ZNF605: variants seen among roughly 807,000 people sequenced by gnomAD.
ZNF605 encodes the protein zinc finger protein 605.
A neutral mutation model predicts 7.9 loss-of-function variants in ZNF605; 9 were observed. That is an observed-to-expected ratio of 1.14 (90% CI 0.68 to 1.98). The LOEUF (loss-of-function observed/expected upper bound fraction) is 1.98. ZNF605 is among the 30% of genes most tolerant of loss of function. The pLI is 0.00. For synonymous variants in ZNF605, 255 were observed against 260.1 expected, an observed-to-expected ratio of 0.98 and a Z score of 0.19; for missense variants, 673 against 762.4, an observed-to-expected ratio of 0.88 and a Z score of 1.38.
intron 3 of ZNF605, among the ~76,000 whole-genome samples, chr12:132,935,610 C>T (rs924607604): frequency 2.9e-5 from 4 of 139,894 alleles, no homozygotes; most frequent in Admixed American, 1.4e-4. Flanking sequence ...AAAAAAAAAT[C>T]ATCCAGGTGC....
rs1312855709 is a variant in ZNF605 at position 132,924,040 on chromosome 12, A to C, written c.*1333T>G. On this transcript the variant is annotated 3_prime_UTR_variant, in exon 5 of 5. Transcript: ENST00000360187. Reference sequence around the variant, plus strand: ...ATTTTGGCCAGTAAAAATATCTCTTATACCTCAGGTTTCATCAATCTTATG... The same window carrying C: ...ATTTTGGCCAGTAAAAATATCTCTTCTACCTCAGGTTTCATCAATCTTATG... 1 of 152,168 alleles carries C rather than the reference A, an allele frequency of 6.6e-6. No homozygotes were observed. Among genetic ancestry groups the C allele is most frequent in the East Asian group, 1.9e-4 (1 of 5,204 alleles). The allele number at this position is 152,168 out of a possible 1,614,324, so 9.4% of individuals were successfully genotyped here.
Position 132,945,733 on chromosome 12 carries a change from T to A in ZNF605, c.-98A>T. The A allele has an allele frequency of 6.4e-7, 1 of 1,559,068 alleles. No homozygotes were observed. Among genetic ancestry groups the A allele is most frequent in the Admixed American group, 1.7e-5 (1 of 59,920 alleles). On this transcript the variant is annotated 5_prime_UTR_variant, in exon 3 of 5. An upstream start codon of the reference 5' UTR is lost. Coordinates refer to ENST00000360187, the MANE Select transcript of ZNF605 (RefSeq NM_183238.4). The stretch of plus-strand genomic sequence containing the variant: ...CAGTGGTCTGTAAACTGAGAATACA[T>A]CCTTGGTCTTGTGGGCTCTTCTTTC...
chr12:132,951,751 C>T (rs62647015), intron 1 of ZNF605, among the ~76,000 whole-genome samples: 24,936 of 151,838 alleles, frequency 0.16, 2,333 homozygotes, highest in South Asian at 0.25. Context: ...TACACATGTA[C>T]AACACACATC....
chr12:132,930,194 C>T (rs1019338670), intron 4 of ZNF605, among the ~76,000 whole-genome samples: 27 of 152,126 alleles, frequency 1.8e-4, no homozygotes, highest in African/African-American at 5.8e-4. Context: ...GCATACCTGG[C>T]TAATTTTTAA....
chr12:132,938,298 ATTTTTAT>A (rs1468568090), intron 3 of ZNF605, among the ~76,000 whole-genome samples: 2 of 146,358 alleles, frequency 1.4e-5, no homozygotes, highest in Admixed American at 6.8e-5. Flanking sequence ...TTATTTTTTT[ATTTTTAT>A]TTTTTATTTT....
At position 132,920,230 on chromosome 12, in the gene ZNF605, C is replaced by CT. The variant is rs1952191460; in HGVS notation, c.*5142_*5143insA. 1 of 151,954 alleles carries CT rather than the reference C, an allele frequency of 6.6e-6. No homozygotes were observed. The highest frequency in any genetic ancestry group is 2.1e-4 in the South Asian group (1 of 4,814). The allele number at this position is 151,954 out of a possible 1,614,324, so 9.4% of individuals were successfully genotyped here. A position where few individuals can be genotyped will look rare whatever the true frequency, so the allele number is the denominator to read the frequency against. On this transcript the variant is annotated 3_prime_UTR_variant, in exon 5 of 5. Coordinates refer to ENST00000360187, the MANE Select transcript of ZNF605 (RefSeq NM_183238.4). Reference sequence around the variant, plus strand: ...TCTTGGCTCACTGCAAGCTCCACCTCCCAGGTTCACGCCATTCTCCTGCCT... The same window carrying CT: ...TCTTGGCTCACTGCAAGCTCCACCTCTCCAGGTTCACGCCATTCTCCTGCCT...
At chr12:132,955,242 C>G (rs1014372632) in intron 1 of ZNF605, among the ~76,000 whole-genome samples, 5 of 152,116 alleles carry the variant, frequency 3.3e-5, no homozygotes, top group Admixed American at 6.6e-5. Context: ...ACAAGGTTAG[C>G]AAAGACCAGG....
chr12:132,926,333 C>A lies in ZNF605; in HGVS notation c.966G>T (p.Ser322=). Residue 322 remains serine, a synonymous_variant, in exon 5 of 5, where the codon TCG becomes TCT. Coordinates refer to ENST00000360187, the MANE Select transcript of ZNF605 (RefSeq NM_183238.4). ...SHCGKAFFWK[S]QLITHQRTHT... is the part of the protein sequence containing the mutation. ...GGGTCCTCTGATGAGTAATCAGCTG[C>A]GACTTCCAAAAGAAGGCTTTTCCAC... 1 of 1,614,034 alleles carries A rather than the reference C, an allele frequency of 6.2e-7. No individual in the cohort carries two copies. The highest frequency in any genetic ancestry group is 8.5e-7 in the Non-Finnish European group (1 of 1,179,976).
At chr12:132,937,837 C>T (rs1478027369) in intron 3 of ZNF605, among the ~76,000 whole-genome samples, 4 of 152,080 alleles carry the variant, frequency 2.6e-5, no homozygotes, top group Non-Finnish European at 2.9e-5. Flanking sequence ...AGACTGTGGC[C>T]CATCCATACA....
intron 4 of ZNF605, among the ~76,000 whole-genome samples, chr12:132,929,571 T>C (rs770985): frequency 0.44 from 67,399 of 151,964 alleles, 15,654 homozygotes; most frequent in Middle Eastern, 0.55. Context: ...TTGAAGAGTT[T>C]ACAGAAAATT....
Position 132,954,486 on chromosome 12 carries a change from T to G in ZNF605, c.-286+1757A>C, listed in dbSNP as rs993968106. Among the ~76,000 whole-genome samples, 76 of 30,946 alleles carry G rather than the reference T, an allele frequency of 2.5e-3. No homozygotes were observed. The East Asian group carries it at 0.034, about 14-fold the overall frequency. 20.3% of individuals were successfully genotyped at this position (30,946 alleles called of 152,430 possible). ...GGGAGGGGAGGAGAAGGGGCTTCTGTCCTGGGACGAACACACTGGTCTCCA... is the reference window on the plus strand; with the variant it reads ...GGGAGGGGAGGAGAAGGGGCTTCTGGCCTGGGACGAACACACTGGTCTCCA... On this transcript the variant is annotated intron_variant, in intron 1 of 4. Coordinates refer to ENST00000360187, the MANE Select transcript of ZNF605 (RefSeq NM_183238.4).
At chr12:132,951,625 G>T (rs1952568704) in intron 1 of ZNF605, among the ~76,000 whole-genome samples, 1 of 125,994 alleles carries the variant, frequency 7.9e-6, no homozygotes, top group African/African-American at 3.7e-5. Context: ...TCGTATCACA[G>T]ACACGTACAG....
Position 132,933,620 on chromosome 12 carries a change from C to CA in ZNF605, c.16-466dup, listed in dbSNP as rs1186691086. ...AACTGGGCAAGTACCTGGCAGATTC[C>CA]AAAACCCAGAAACAGATCAATGTTT... On this transcript the variant is annotated intron_variant, in intron 3 of 4. Coordinates refer to ENST00000360187, the MANE Select transcript of ZNF605 (RefSeq NM_183238.4). This position sits in a 1 kb window ranked among gnomAD's most constrained non-coding sequence, Gnocchi z 4.4. Among the ~76,000 whole-genome samples, 1 of 152,170 alleles carries CA rather than the reference C, an allele frequency of 6.6e-6. No homozygotes were observed. The highest frequency in any genetic ancestry group is 1.5e-5 in the Non-Finnish European group (1 of 68,030).
intron 3 of ZNF605, among the ~76,000 whole-genome samples, chr12:132,942,033 G>T (rs1340771172): frequency 6.6e-6 from 1 of 152,148 alleles, no homozygotes; most frequent in African/African-American, 2.4e-5. Context: ...TCTTAAACAT[G>T]ATTTATCTTT....
At chr12:132,939,714 G>C (rs113710129) in intron 3 of ZNF605, among the ~76,000 whole-genome samples, 5 of 152,262 alleles carry the variant, frequency 3.3e-5, no homozygotes, top group Admixed American at 6.5e-5. Context: ...CAACCCGCTC[G>C]GGTCCTCTTC....
intron 1 of ZNF605, among the ~76,000 whole-genome samples, chr12:132,949,477 A>T (rs988807463): frequency 2.0e-5 from 3 of 151,756 alleles, no homozygotes; most frequent in Non-Finnish European, 2.9e-5. Context: ...CCTGGCCCTC[A>T]CTCTTTATGC....
intron 4 of ZNF605, among the ~76,000 whole-genome samples, chr12:132,932,216 C>CA (rs1952315286): frequency 1.3e-5 from 2 of 152,124 alleles, no homozygotes; most frequent in African/African-American, 4.8e-5. Context: ...CCAACCTCCA[C>CA]AGCATGAGGA....
At chr12:132,937,087 G>T (rs749633216) in intron 3 of ZNF605, among the ~76,000 whole-genome samples, 30 of 152,070 alleles carry the variant, frequency 2.0e-4, no homozygotes, top group Non-Finnish European at 3.5e-4. Flanking sequence ...GGCTGGGCGC[G>T]GTGGCTCACG....
rs1265051531 is a variant in ZNF605 at position 132,920,270 on chromosome 12, G to C, written c.*5103C>G. 1 of 152,386 alleles carries C rather than the reference G, an allele frequency of 6.6e-6. No individual in the cohort carries two copies. Among genetic ancestry groups the C allele is most frequent in the Non-Finnish European group, 1.5e-5 (1 of 68,244 alleles). The allele number at this position is 152,386 out of a possible 1,614,324, so 9.4% of individuals were successfully genotyped here. A position where few individuals can be genotyped will look rare whatever the true frequency, so the allele number is the denominator to read the frequency against. ...TTCTCCTGCCTCAGCCTCCTGAGTA[G>C]CTGGGACTACAGGCGCTGGCCACCT... On this transcript the variant is annotated 3_prime_UTR_variant, in exon 5 of 5. Coordinates refer to ENST00000360187, the MANE Select transcript of ZNF605 (RefSeq NM_183238.4).
Sources: gnomAD v4.1 joint callset for allele counts (sites outside exome capture counted in the v4.1 genomes callset) on GRCh38, gnomAD v4.1.1 for gene constraint, Gnocchi (gnomAD v3.1) non-coding constraint, MANE v1.5 for transcripts, NCBI Gene and HGNC (gene_info 2026-07-23, HGNC 2026-07-21) for gene names.